MGAT5: variants seen among roughly 807,000 people sequenced by gnomAD.
The protein encoded by MGAT5 is alpha-1,6-mannosylglycoprotein 6-beta-N-acetylglucosaminyltransferase, also known as alpha-1,6-mannosylglycoprotein 6-beta-N-acetylglucosaminyltransferase A.
Under a neutral mutation model 94.3 loss-of-function variants are expected in MGAT5, and 30 were observed. That is an observed-to-expected ratio of 0.32 (90% confidence interval 0.24 to 0.43). MGAT5 has a LOEUF of 0.43. Ranked by LOEUF, MGAT5 falls within the 20% of genes least tolerant of loss-of-function variation. The pLI is 1.00. For missense variants in MGAT5, 691 were observed against 905.5 expected, an observed-to-expected ratio of 0.76 and a Z score of 3.04; for synonymous variants, 310 against 322.9, an observed-to-expected ratio of 0.96 and a Z score of 0.43.
upstream of MGAT5, among the ~76,000 whole-genome samples, chr2:134,253,984 C>G (rs1402177799): frequency 6.6e-6 from 1 of 152,202 alleles, no homozygotes; most frequent in African/African-American, 2.4e-5. Flanking sequence ...CCCCACCTTG[C>G]AAAACAAACT....
chr2:134,315,267 C>T (rs1686932579), intron 2 of MGAT5, among the ~76,000 whole-genome samples: 1 of 152,126 alleles, frequency 6.6e-6, no homozygotes, highest in Admixed American at 6.5e-5. Context: ...CATTTCCCCA[C>T]CAAGTACCCC....
chr2:134,214,204 C>T (rs991815248), intron 1 of MGAT5, among the ~76,000 whole-genome samples: 1 of 152,014 alleles, frequency 6.6e-6, no homozygotes, highest in Admixed American at 6.5e-5. Flanking sequence ...AGTTCCCTTC[C>T]AAAGAGCTTC....
intron 1 of MGAT5, among the ~76,000 whole-genome samples, chr2:134,213,704 T>C: frequency 6.6e-6 from 1 of 152,208 alleles, no homozygotes; most frequent in Non-Finnish European, 1.5e-5. Context: ...TTACTTATAT[T>C]TGCTGGTTTG....
At chr2:134,120,480 G>C (rs567926361) in intron 1 of MGAT5, among the ~76,000 whole-genome samples, 2 of 151,400 alleles carry the variant, frequency 1.3e-5, no homozygotes, top group African/African-American at 4.8e-5. Context: ...CCCCGGCCCC[G>C]GCCGCTCTGC....
intron 1 of MGAT5, among the ~76,000 whole-genome samples, chr2:134,172,919 C>G (rs868656269): frequency 2.3e-4 from 35 of 152,152 alleles, no homozygotes; most frequent in African/African-American, 7.2e-4. Flanking sequence ...CACACTTTGT[C>G]TCTGACAACA....
intron 12 of MGAT5, among the ~76,000 whole-genome samples, chr2:134,413,219 A>G (rs1264508547): frequency 6.6e-6 from 1 of 152,144 alleles, no homozygotes; most frequent in East Asian, 1.9e-4. Flanking sequence ...CAAGTAAGGG[A>G]TCTTGACACT....
At chr2:134,431,574 GA>G (rs1321003553) in intron 14 of MGAT5, among the ~76,000 whole-genome samples, 1 of 152,178 alleles carries the variant, frequency 6.6e-6, no homozygotes, top group Non-Finnish European at 1.5e-5. Context: ...GGGCAGCGAG[GA>G]TGGAGAGGAG....
chr2:134,434,425 A>G (rs1048949209), intron 14 of MGAT5, among the ~76,000 whole-genome samples: 2 of 152,242 alleles, frequency 1.3e-5, no homozygotes, highest in East Asian at 3.8e-4. Context: ...ACTGGTTGAA[A>G]TAATTGTTAG....
At chr2:134,264,757 A>T (rs3828176) in intron 1 of MGAT5, among the ~76,000 whole-genome samples, 21,956 of 152,146 alleles carry the variant, frequency 0.14, 2,576 homozygotes, top group East Asian at 0.36. Flanking sequence ...TCTTTTTTCA[A>T]TAGCACCTTC....
intron 1 of MGAT5, among the ~76,000 whole-genome samples, chr2:134,129,355 T>G (rs12613992): frequency 0.087 from 13,174 of 152,140 alleles, 1,399 homozygotes; most frequent in East Asian, 0.28. Context: ...ACCAAGCAGG[T>G]TAATGCAGCG....
chr2:134,391,477 G>A (rs1246164289), intron 10 of MGAT5, among the ~76,000 whole-genome samples: 1 of 152,214 alleles, frequency 6.6e-6, no homozygotes, highest in Non-Finnish European at 1.5e-5. Context: ...AGATCAGGGT[G>A]CCACTATGGT....
chr2:134,132,825 A>G (rs963290614), intron 1 of MGAT5, among the ~76,000 whole-genome samples: 39 of 152,274 alleles, frequency 2.6e-4, no homozygotes, highest in African/African-American at 7.7e-4. Flanking sequence ...CACATGTGGC[A>G]GATGTGAAAA....
In MGAT5 at chr2:134,180,501, T is replaced by C. The variant is rs185519635; in HGVS notation, c.-143+60210T>C. 1.1e-4 allele frequency among the ~76,000 whole-genome samples: 16 copies of C among 152,334 alleles called. No individual in the cohort carries two copies. In the East Asian group the frequency reaches 3.1e-3, roughly 29 times the overall value. On this transcript the variant is annotated intron_variant, in intron 1 of 16. Coordinates refer to the MGAT5 transcript ENST00000409645. The stretch of plus-strand genomic sequence containing the variant: ...GTTCACACAGCAACGCTATGAAGCA[T>C]GTGTTACCTTTCATTTCAGAAATAA...
intron 10 of MGAT5, among the ~76,000 whole-genome samples, chr2:134,387,633 C>A (rs1283061321): frequency 6.6e-6 from 1 of 152,086 alleles, no homozygotes; most frequent in Non-Finnish European, 1.5e-5. Flanking sequence ...GAAGTTCCTG[C>A]AGCTGGTAAC....
chr2:134,320,256 G>A (rs146303802), intron 4 of MGAT5, among the ~76,000 whole-genome samples: 176 of 152,286 alleles, frequency 1.2e-3, no homozygotes, highest in African/African-American at 4.0e-3. Flanking sequence ...GAAGAGATGC[G>A]TAAGGCTAGG....
At chr2:134,441,271 AG>A (rs201729337) in intron 14 of MGAT5, among the ~76,000 whole-genome samples, 3,246 of 152,254 alleles carry the variant, frequency 0.021, 105 homozygotes, top group African/African-American at 0.074. Context: ...AGATAAAAGT[AG>A]CGCTTATGAA....
At chr2:134,448,590 GA>G in intron 15 of MGAT5, 58 bp from the exon 16 acceptor site, 1 of 1,533,204 alleles carries the variant, frequency 6.5e-7, no homozygotes, top group East Asian at 2.2e-5. Flanking sequence ...CAGGGCCAGT[GA>G]CGAGGAAAGG....
chr2:134,344,942 G>A lies in MGAT5; in HGVS notation c.990G>A (p.Lys330=), dbSNP rs752276214. The change falls in exon 8 of 16, where the codon AAG becomes AAA. Residue 330 remains lysine, a synonymous_variant. Coordinates refer to ENST00000281923, the MANE Select transcript of MGAT5 (RefSeq NM_002410.5). ...SLAELKEIMK[K]VVGNRSGCPT... is the part of the protein sequence containing the mutation. The stretch of plus-strand genomic sequence containing the variant: ...GCCGTTTCTCTAGAATCATGAAGAA[G>A]GTTGTAGGAAACCGATCTGGCTGCC... The A allele has an allele frequency of 4.3e-6, 7 of 1,613,144 alleles. No homozygotes were observed.
intron 2 of MGAT5, among the ~76,000 whole-genome samples, chr2:134,291,408 G>T (rs1363833550): frequency 6.6e-6 from 1 of 152,240 alleles, no homozygotes; most frequent in Non-Finnish European, 1.5e-5. Flanking sequence ...CTTCCCACAT[G>T]TTGATCTTAG....
Sources: gnomAD v4.1 joint callset for allele counts (sites outside exome capture counted in the v4.1 genomes callset) on GRCh38, gnomAD v4.1.1 for gene constraint, MANE v1.5 for transcripts, NCBI Gene and HGNC (gene_info 2026-07-23, HGNC 2026-07-21) for gene names.